CRACD: variants seen among roughly 807,000 people sequenced by gnomAD.
CRACD encodes the protein capping protein inhibiting regulator of actin dynamics, also known as capping protein-inhibiting regulator of actin dynamics.
In CRACD, 56 loss-of-function variants were observed where a neutral mutation model predicts 106.8. The ratio of observed to expected loss-of-function variants is 0.52; its 90% CI spans 0.42 to 0.66. The LOEUF is 0.66. Among genes scored for constraint, CRACD ranks in the 30% least tolerant of loss-of-function variants. CRACD has a pLI of 0.00. For missense variants in CRACD, 1,730 were observed against 1,623.2 expected (o/e 1.07, Z -1.13); for synonymous variants, 754 against 670.8 (o/e 1.12, Z -1.92).
chr4:56,194,308 G>C (rs1015000898), intron 2 of CRACD, among the ~76,000 whole-genome samples: 3 of 152,144 alleles, frequency 2.0e-5, no homozygotes, highest in African/African-American at 7.2e-5. Context: ...AAGTGGTGAA[G>C]CTTCAAAATA....
At chr4:56,212,946 C>T (rs919990188) in intron 2 of CRACD, among the ~76,000 whole-genome samples, 31 of 152,120 alleles carry the variant, frequency 2.0e-4, no homozygotes, top group African/African-American at 7.5e-4. Flanking sequence ...CAAACAAACT[C>T]AGAGAACTCA....
Position 56,324,263 on chromosome 4 carries a change from A to G in CRACD, c.3538A>G (p.Thr1180Ala). The G allele has an allele frequency of 6.2e-7, 1 of 1,612,634 alleles. No individual in the cohort carries two copies. Reference protein sequence around the residue: ...KKANTLPTSVTVEISDSAPPA... With the variant: ...KKANTLPTSVAVEISDSAPPA... Reference sequence around the variant, plus strand: ...GGCCAATACTCTTCCTACGTCTGTGACAGGTAGAGAGCAGGTCCATTGCTT... The same window carrying G: ...GGCCAATACTCTTCCTACGTCTGTGGCAGGTAGAGAGCAGGTCCATTGCTT... Residue 1180 changes from threonine (T) to alanine (A), a missense_variant, in exon 10 of 11, where the codon ACA becomes GCA. Transcript: ENST00000682029.
In CRACD at chr4:56,141,682, ATTTT is replaced by A. The variant is rs1171920777; in HGVS notation, c.-335-37577_-335-37574del. Among the ~76,000 whole-genome samples the A allele has an allele frequency of 1.1e-3, 91 of 82,672 alleles. 2 individuals are homozygous for A. The East Asian group carries it at 0.015, about 13-fold the overall frequency. 54.2% of individuals were successfully genotyped at this position (82,672 alleles called of 152,430 possible). On this transcript the variant is annotated intron_variant, in intron 1 of 10. Transcript: ENST00000682029. ...TAAGTATCTAAACTAAGGAAGTACT[ATTTT>A]TTTTTTTTTTTTTTTTTTTTTTTTA...
At chr4:56,201,251 A>G (rs537108758) in intron 2 of CRACD, among the ~76,000 whole-genome samples, 3 of 152,306 alleles carry the variant, frequency 2.0e-5, no homozygotes, top group African/African-American at 4.8e-5. Context: ...CTTAATGGCT[A>G]TGTATGCGGT....
chr4:56,062,831 C>T (rs1269711685), intron 1 of CRACD, among the ~76,000 whole-genome samples: 1 of 152,128 alleles, frequency 6.6e-6, no homozygotes, highest in East Asian at 1.9e-4. Flanking sequence ...TTGGGGCTTG[C>T]AAATGTATTT....
At chr4:56,318,196 T>C (rs1745808462) in intron 8 of CRACD, among the ~76,000 whole-genome samples, 1 of 152,158 alleles carries the variant, frequency 6.6e-6, no homozygotes, top group Non-Finnish European at 1.5e-5. Flanking sequence ...AGGGTCTTGC[T>C]ATGTTGCCCA....
At position 56,313,414 on chromosome 4, in the gene CRACD, G is replaced by A. The variant is rs763519768; in HGVS notation, c.537+35G>A. The A allele has an allele frequency of 1.9e-6, 3 of 1,582,088 alleles. No individual in the cohort carries two copies. The African/African-American group carries it at 4.1e-5, about 21-fold the overall frequency. ...GCCTGCACGGGCTGACCAGGCAGGT[G>A]CCCTTGCCTACTGGGCACTAATTCT... On this transcript the variant is annotated intron_variant, in intron 7 of 10. Coordinates refer to ENST00000682029, the MANE Select transcript of CRACD (RefSeq NM_001393381.1).
At chr4:56,322,299 A>G (rs1417408860) in intron 8 of CRACD, among the ~76,000 whole-genome samples, 2 of 152,190 alleles carry the variant, frequency 1.3e-5, no homozygotes, top group African/African-American at 2.4e-5. Context: ...CACTTTCTAG[A>G]TTAGAAAACT....
chr4:56,267,903 C>T (rs185994808), intron 2 of CRACD, among the ~76,000 whole-genome samples: 2 of 152,258 alleles, frequency 1.3e-5, no homozygotes, highest in South Asian at 4.2e-4. Context: ...TGAAGGAGGC[C>T]ATTCTCTGCT....
At chr4:56,264,435 T>A (rs1304524273) in intron 2 of CRACD, among the ~76,000 whole-genome samples, 1 of 87,814 alleles carries the variant, frequency 1.1e-5, no homozygotes, top group Non-Finnish European at 2.8e-5. Context: ...TAACCACATA[T>A]ACCACATATA....
chr4:56,108,983 C>T (rs1734034930), intron 1 of CRACD, among the ~76,000 whole-genome samples: 1 of 152,176 alleles, frequency 6.6e-6, no homozygotes, highest in African/African-American at 2.4e-5. Context: ...TGGATAATAT[C>T]CAGCCTCCCA....
At chr4:56,227,404 G>T (rs529031209) in intron 2 of CRACD, among the ~76,000 whole-genome samples, 1 of 152,288 alleles carries the variant, frequency 6.6e-6, no homozygotes, top group African/African-American at 2.4e-5. Context: ...GATACACTAA[G>T]TTAGAATGTT....
chr4:56,173,100 G>C (rs1452244726), intron 1 of CRACD, among the ~76,000 whole-genome samples: 1 of 152,188 alleles, frequency 6.6e-6, no homozygotes, highest in Non-Finnish European at 1.5e-5. Context: ...TTGAAATGCA[G>C]GCAACTTTCT....
chr4:56,307,631 CT>C lies in CRACD; in HGVS notation c.218del (p.Leu73ArgfsTer3). 1 of 1,614,190 alleles carries C rather than the reference CT, an allele frequency of 6.2e-7. No individual in the cohort carries two copies. On this transcript the variant is annotated frameshift_variant, in exon 5 of 11. Coordinates refer to ENST00000682029, the MANE Select transcript of CRACD (RefSeq NM_001393381.1). LOFTEE classifies it high-confidence loss of function. ...TGGAGAGGCTAGCTTAGAAGAGGAT[CT>C]GTTCCTGACCAGTCCCATGGAAATT... ...NSGEASLEED[L>X]FLTSPMEIVT... is the part of the protein sequence containing the mutation.
intron 2 of CRACD, among the ~76,000 whole-genome samples, chr4:56,192,394 C>CAA (rs556415866): frequency 1.5e-5 from 2 of 130,172 alleles, no homozygotes; most frequent in Non-Finnish European, 1.7e-5. Flanking sequence ...GACTCCATCT[C>CAA]AAAAAAAAAA....
chr4:56,115,040 T>C (rs1369802540), intron 1 of CRACD, among the ~76,000 whole-genome samples: 1 of 151,978 alleles, frequency 6.6e-6, no homozygotes, highest in Non-Finnish European at 1.5e-5. Flanking sequence ...TAAAATGTTG[T>C]GGGAGGTCAT....
At chr4:56,193,812 T>A (rs1025454180) in intron 2 of CRACD, among the ~76,000 whole-genome samples, 1 of 143,272 alleles carries the variant, frequency 7.0e-6, no homozygotes, top group Non-Finnish European at 1.6e-5. Context: ...AAAGTTTCTG[T>A]TTTTTTTTTA....
intron 1 of CRACD, among the ~76,000 whole-genome samples, chr4:56,165,191 G>C (rs1218632618): frequency 6.6e-6 from 1 of 151,966 alleles, no homozygotes; most frequent in East Asian, 1.9e-4. Flanking sequence ...GCAGACTGCA[G>C]GCACTTTAGC....
intron 3 of CRACD, among the ~76,000 whole-genome samples, chr4:56,280,010 GGAAACCA>G: frequency 6.6e-6 from 1 of 151,874 alleles, no homozygotes; most frequent in Non-Finnish European, 1.5e-5. Context: ...GGATGAAGCT[GGAAACCA>G]TCATTCTCAG....
Sources: gnomAD v4.1 joint callset for allele counts (sites outside exome capture counted in the v4.1 genomes callset) on GRCh38, gnomAD v4.1.1 for gene constraint, MANE v1.5 for transcripts, NCBI Gene and HGNC (gene_info 2026-07-23, HGNC 2026-07-21) for gene names.